SLC4A5: variants seen among roughly 807,000 people sequenced by gnomAD.
SLC4A5 encodes solute carrier family 4 member 5, also known as electrogenic sodium bicarbonate cotransporter 4.
A neutral mutation model predicts 120.4 loss-of-function variants in SLC4A5; 96 were observed. That is an observed-to-expected ratio of 0.80 (90% CI 0.68 to 0.94). The LOEUF (loss-of-function observed/expected upper bound fraction) is 0.94. Ranked by LOEUF, SLC4A5 falls within the 40% of genes least tolerant of loss-of-function variation. The pLI, the probability that SLC4A5 is intolerant of heterozygous loss-of-function variation, is 0.00. For missense variants in SLC4A5, 1,259 were observed against 1,459.5 expected (o/e 0.86, Z 2.24); for synonymous variants, 550 against 571.1 (o/e 0.96, Z 0.53).
rs1474325805 is a variant in SLC4A5 at position 74,250,519 on chromosome 2, T to C, written c.1479-2A>G. The stretch of plus-strand genomic sequence containing the variant: ...TCCAGACACAGGCCACCGAAGAACC[T>C]GCTCAAGACAGGCCCAGGGGCTGCT... On this transcript the variant is annotated splice_acceptor_variant, in intron 16 of 30. Transcript: ENST00000394019. LOFTEE classifies it high-confidence loss of function. 6.2e-7 allele frequency: 1 copy of C among 1,614,084 alleles called. No individual in the cohort carries two copies. Among genetic ancestry groups the C allele is most frequent in the Admixed American group, 1.7e-5 (1 of 60,024 alleles).
intron 3 of SLC4A5, among the ~76,000 whole-genome samples, chr2:74,337,908 G>A (rs1166501295): frequency 6.6e-6 from 1 of 152,150 alleles, no homozygotes. Flanking sequence ...TCCCATGGGT[G>A]GGCTGACTCT....
At chr2:74,282,254 C>T (rs1260031663) in intron 8 of SLC4A5, among the ~76,000 whole-genome samples, 2 of 152,164 alleles carry the variant, frequency 1.3e-5, no homozygotes, top group African/African-American at 4.8e-5. Context: ...TATCTGGAAA[C>T]CAGATGGGGT....
intron 14 of SLC4A5, among the ~76,000 whole-genome samples, chr2:74,253,567 G>A (rs538156634): frequency 2.6e-5 from 4 of 151,948 alleles, no homozygotes; most frequent in Admixed American, 6.5e-5. Context: ...TTACAGATTC[G>A]ATGGGACTAT....
In SLC4A5 at chr2:74,285,731, T is replaced by C. The variant is rs2104169685; in HGVS notation, c.401+42A>G. ...GAGGGTCAGGCAAGCCCAGGCTGTG[T>C]GAGACTGAAGTGCCCACCTCCCTCG... On this transcript the variant is annotated intron_variant, in intron 8 of 30. Coordinates refer to ENST00000394019, the Ensembl canonical transcript of SLC4A5. The C allele has an allele frequency of 3.8e-6, 6 of 1,599,808 alleles. No homozygotes were observed. In the East Asian group the frequency reaches 1.4e-4, roughly 36 times the overall value.
chr2:74,296,233 AG>A (rs1241168080), intron 7 of SLC4A5, among the ~76,000 whole-genome samples: 1 of 152,160 alleles, frequency 6.6e-6, no homozygotes, highest in Admixed American at 6.5e-5. Context: ...TTAAAGGGCA[AG>A]AAGAGAGTGG....
At chr2:74,240,028 T>C (rs555138076) in intron 20 of SLC4A5, among the ~76,000 whole-genome samples, 3 of 147,930 alleles carry the variant, frequency 2.0e-5, no homozygotes, top group African/African-American at 7.4e-5. Flanking sequence ...TATTTATATA[T>C]ACATATATAA....
intron 8 of SLC4A5, among the ~76,000 whole-genome samples, chr2:74,272,364 G>T (rs943350708): frequency 1.8e-4 from 28 of 152,172 alleles, no homozygotes; most frequent in African/African-American, 6.8e-4. Flanking sequence ...TAAAGGAATG[G>T]CCTCTGTAAA....
intron 19 of SLC4A5, among the ~76,000 whole-genome samples, chr2:74,244,024 G>A (rs1670529103): frequency 6.6e-6 from 1 of 152,168 alleles, no homozygotes; most frequent in Non-Finnish European, 1.5e-5. Context: ...GTAAGACTGG[G>A]CTTCGCAGTA....
At chr2:74,340,045 T>G (rs925406623) in intron 2 of SLC4A5, among the ~76,000 whole-genome samples, 1 of 151,964 alleles carries the variant, frequency 6.6e-6, no homozygotes, top group Non-Finnish European at 1.5e-5. Context: ...CAGTGAGAAA[T>G]GGGGAGTTAG....
intron 2 of SLC4A5, among the ~76,000 whole-genome samples, chr2:74,341,861 C>A (rs1439793421): frequency 1.3e-5 from 2 of 152,194 alleles, no homozygotes. Context: ...AAGGCTAAGA[C>A]ACAAAAGGGG....
chr2:74,332,735 G>A (rs1673392629), intron 4 of SLC4A5, among the ~76,000 whole-genome samples: 1 of 151,892 alleles, frequency 6.6e-6, no homozygotes. Context: ...GCGTGTGTGT[G>A]CGCATGTATG....
intron 11 of SLC4A5, among the ~76,000 whole-genome samples, chr2:74,261,426 C>G (rs1671132163): frequency 6.6e-6 from 1 of 152,218 alleles, no homozygotes; most frequent in Non-Finnish European, 1.5e-5. Context: ...GCATTGCCCC[C>G]AAGTCACTCC....
chr2:74,239,634 A>T, intron 20 of SLC4A5, 99 bp from the exon 21 acceptor site: 1 of 1,187,508 alleles, frequency 8.4e-7, no homozygotes. Context: ...ATACCTTCCC[A>T]CCCTCTGAGG....
At chr2:74,340,858 G>T (rs1053755240) in intron 2 of SLC4A5, among the ~76,000 whole-genome samples, 2 of 152,122 alleles carry the variant, frequency 1.3e-5, no homozygotes, top group Non-Finnish European at 2.9e-5. Flanking sequence ...CACCAGAAGA[G>T]GCTCCACTCC....
rs531078313 is a variant in SLC4A5, at chr2:74,330,305, G to A, written c.-69-2119C>T. On this transcript the variant is annotated intron_variant, in intron 4 of 30. Transcript: ENST00000394019. ...GAGGAGTGTGGTGTAGGTGTAGGTG[G>A]TGAGGTATAGGTGAGGGTGGTGAGG... Among the ~76,000 whole-genome samples, 9 of 151,360 alleles carry A rather than the reference G, an allele frequency of 5.9e-5. No individual in the cohort carries two copies. In the South Asian group the frequency reaches 1.9e-3, roughly 32 times the overall value.
At chr2:74,221,438 G>A (rs201400466) in exon 30 of SLC4A5, 20 of 1,610,524 alleles carry the variant, frequency 1.2e-5, no homozygotes, top group East Asian at 4.5e-5. Context: ...GTTTACCTTC[G>A]GTCAAGTTCT....
At chr2:74,248,205 G>C (rs998144998) in intron 18 of SLC4A5, 148 bp downstream of exon 18, 1 of 1,086,494 alleles carries the variant, frequency 9.2e-7, no homozygotes, top group African/African-American at 1.6e-5. Flanking sequence ...GAGTCAGGAG[G>C]GGCCACCTGG....
At position 74,286,009 on chromosome 2, in the gene SLC4A5, T is replaced by C. The variant is rs141194396; in HGVS notation, c.272-107A>G. The C allele has an allele frequency of 8.8e-5, 117 of 1,323,640 alleles. No individual in the cohort carries two copies. In the Middle Eastern group the frequency reaches 9.7e-4, roughly 11 times the overall value. 82.0% of individuals were successfully genotyped at this position (1,323,640 alleles called of 1,614,324 possible). Reference sequence around the variant, plus strand: ...GCAAGCACAAGGGAAAAGTATTTTCTAATTCTGTAAAACTAAGTCCAGCTC... The same window carrying C: ...GCAAGCACAAGGGAAAAGTATTTTCCAATTCTGTAAAACTAAGTCCAGCTC... On this transcript the variant is annotated intron_variant, in intron 7 of 30. Coordinates refer to ENST00000394019, the Ensembl canonical transcript of SLC4A5.
chr2:74,244,738 T>C (rs921937933), intron 19 of SLC4A5, among the ~76,000 whole-genome samples: 5 of 152,152 alleles, frequency 3.3e-5, no homozygotes, highest in African/African-American at 7.2e-5. Flanking sequence ...TGCACCACTG[T>C]GCCCAGCCAG....
Sources: gnomAD v4.1 joint callset for allele counts (sites outside exome capture counted in the v4.1 genomes callset) on GRCh38, gnomAD v4.1.1 for gene constraint, MANE v1.5 for transcripts, NCBI Gene and HGNC (gene_info 2026-07-23, HGNC 2026-07-21) for gene names.